The following PARD3B variants were observed in gnomAD, a reference collection of about 807,000 sequenced individuals.
PARD3B encodes the protein partitioning defective 3 homolog B.
A neutral mutation model predicts 130.2 loss-of-function variants in PARD3B; 103 were observed. The observed-to-expected ratio is 0.79, with a 90% confidence interval of 0.67 to 0.93. PARD3B has a LOEUF of 0.93. Ranked by LOEUF, PARD3B falls within the 40% of genes least tolerant of loss-of-function variation. The pLI is 0.00. For synonymous variants in PARD3B, 583 were observed against 553.2 expected, an observed-to-expected ratio of 1.05 and a Z score of -0.76; for missense variants, 1,609 against 1,499.2, an observed-to-expected ratio of 1.07 and a Z score of -1.21.
chr2:205,511,374 T>C (rs975755752), intron 21 of PARD3B, among the ~76,000 whole-genome samples: 1 of 152,196 alleles, frequency 6.6e-6, no homozygotes, highest in Admixed American at 6.5e-5. Context: ...TATACTTCCA[T>C]TAGAGTGAAA....
intron 2 of PARD3B, among the ~76,000 whole-genome samples, chr2:204,802,034 G>A (rs189087681): frequency 2.8e-4 from 42 of 152,272 alleles, no homozygotes; most frequent in East Asian, 2.7e-3. Flanking sequence ...TTGAACAAGC[G>A]TTGCATCCCA....
chr2:205,379,784 G>A (rs1390857105), intron 18 of PARD3B, among the ~76,000 whole-genome samples: 4 of 151,626 alleles, frequency 2.6e-5, no homozygotes, highest in Admixed American at 1.3e-4. Flanking sequence ...AAATATATGT[G>A]TGGGGCCAGG....
intron 2 of PARD3B, among the ~76,000 whole-genome samples, chr2:204,764,144 G>A (rs1054664954): frequency 6.6e-6 from 1 of 152,040 alleles, no homozygotes; most frequent in Non-Finnish European, 1.5e-5. Context: ...CCCCAAAGAG[G>A]GTTGCTGTTT....
In PARD3B at chr2:204,872,290, C is replaced by T. The variant is rs75391215; in HGVS notation, c.223-92862C>T. 0.01 allele frequency among the ~76,000 whole-genome samples: 1,546 copies of T among 151,744 alleles called. 38 individuals carry two copies. The East Asian group carries it at 0.11, about 11-fold the overall frequency. On this transcript the variant is annotated intron_variant, in intron 2 of 22. Coordinates refer to ENST00000406610, the MANE Select transcript of PARD3B (RefSeq NM_001302769.2). ...GATAGATAGTTATATATATAACATA[C>T]ATGTAATATATATGTATGCATATAA...
intron 15 of PARD3B, among the ~76,000 whole-genome samples, chr2:205,235,022 G>T (rs1399238745): frequency 6.6e-6 from 1 of 152,044 alleles, no homozygotes; most frequent in Non-Finnish European, 1.5e-5. Context: ...AAAAATGTGT[G>T]GGATAAGAAA....
rs370518123 is a variant in PARD3B, at chr2:205,164,597, T to A, written c.1620+5690T>A. Among the ~76,000 whole-genome samples the A allele has an allele frequency of 1.3e-3, 199 of 152,234 alleles. 1 individual carries two copies. Among genetic ancestry groups the A allele is most frequent in the African/African-American group, 4.7e-3 (194 of 41,546 alleles). ...AAATTTACATGTACACTATACTGAA[T>A]AAAATTTTGGAATGCTACAACATTT... On this transcript the variant is annotated intron_variant, in intron 11 of 22. Transcript: ENST00000406610.
intron 1 of PARD3B, among the ~76,000 whole-genome samples, chr2:204,658,949 T>G (rs1366282099): frequency 2.0e-5 from 3 of 152,216 alleles, no homozygotes; most frequent in Non-Finnish European, 2.9e-5. Context: ...TAAAATGCAT[T>G]ATCTCGGTTC....
rs1158824808 is a variant in PARD3B at position 205,470,132 on chromosome 2, T to G, written c.3044+29460T>G. ...ACACACAGGGTGGAACTAAGTGATC[T>G]CAGCATTTTTTTTCCAGTTCCAAAA... is the stretch of plus-strand genomic sequence containing the variant. On this transcript the variant is annotated intron_variant, in intron 20 of 22. Coordinates refer to ENST00000406610, the MANE Select transcript of PARD3B (RefSeq NM_001302769.2). The surrounding 1 kb of genome is among the most constrained non-coding windows in gnomAD (Gnocchi z 4.8). 6.6e-6 allele frequency among the ~76,000 whole-genome samples: 1 copy of G among 152,218 alleles called. No individual in the cohort carries two copies. The highest frequency in any genetic ancestry group is 1.9e-4 in the East Asian group (1 of 5,196).
rs548003399 is a variant in PARD3B, at chr2:205,037,508, C to CTA, written c.395-10064_395-10063dup. Among the ~76,000 whole-genome samples, 10 of 146,232 alleles carry CTA rather than the reference C, an allele frequency of 6.8e-5. No individual in the cohort carries two copies. The South Asian group carries it at 2.1e-3, about 31-fold the overall frequency. On this transcript the variant is annotated intron_variant, in intron 3 of 22. Transcript: ENST00000406610. ...CTATATATATAAAATATATAGTGGA[C>CTA]TATATATATAAAATATGTATATAGT... is the stretch of plus-strand genomic sequence containing the variant.
intron 18 of PARD3B, among the ~76,000 whole-genome samples, chr2:205,343,414 T>C (rs2080417): frequency 0.91 from 137,677 of 152,116 alleles, 62,478 homozygotes; most frequent in Admixed American, 0.94. Context: ...ATGGTCCTGA[T>C]GTGATTGATT....
intron 18 of PARD3B, among the ~76,000 whole-genome samples, chr2:205,322,127 A>G (rs2042773177): frequency 6.6e-6 from 1 of 152,228 alleles, no homozygotes; most frequent in Non-Finnish European, 1.5e-5. Context: ...GTCTTTGATC[A>G]CCTTAGGACT....
In PARD3B at chr2:205,592,453, T is replaced by C. The variant is rs551879292; in HGVS notation, c.3261-23003T>C. Among the ~76,000 whole-genome samples, 3 of 152,174 alleles carry C rather than the reference T, an allele frequency of 2.0e-5. No homozygotes were observed. The highest frequency in any genetic ancestry group is 4.8e-5 in the African/African-American group (2 of 41,442). ...CGAACATCCACTAATAAACTTTATA[T>C]TGGGTGCCTACCATGAGCCAGGCAC... On this transcript the variant is annotated intron_variant, in intron 22 of 22. Transcript: ENST00000406610. This position sits in a 1 kb window ranked among gnomAD's most constrained non-coding sequence, Gnocchi z 4.5.
intron 5 of PARD3B, among the ~76,000 whole-genome samples, chr2:205,106,481 ATG>A (rs202186761): frequency 0.011 from 1,601 of 146,966 alleles, 20 homozygotes; most frequent in Middle Eastern, 0.021. Flanking sequence ...TAAGAAATGT[ATG>A]TGTGTGTGTG....
intron 2 of PARD3B, among the ~76,000 whole-genome samples, chr2:204,861,871 G>A (rs996773318): frequency 6.6e-5 from 9 of 137,210 alleles, no homozygotes; most frequent in African/African-American, 2.1e-4. Context: ...GCTTCAGTGG[G>A]GAAAAACTCA....
chr2:205,602,502 G>C (rs2054827490), intron 22 of PARD3B, among the ~76,000 whole-genome samples: 1 of 152,130 alleles, frequency 6.6e-6, no homozygotes, highest in Non-Finnish European at 1.5e-5. Flanking sequence ...AATCCATTTG[G>C]TCCTGGGCCT....
intron 18 of PARD3B, among the ~76,000 whole-genome samples, chr2:205,344,414 A>G (rs1559683806): frequency 6.6e-6 from 1 of 152,170 alleles, no homozygotes; most frequent in African/African-American, 2.4e-5. Flanking sequence ...ATGATAGATC[A>G]GTGAAATGAC....
intron 3 of PARD3B, among the ~76,000 whole-genome samples, chr2:205,022,630 G>A (rs1157727547): frequency 1.3e-5 from 2 of 152,088 alleles, no homozygotes; most frequent in Non-Finnish European, 2.9e-5. Context: ...GAGAAAATCC[G>A]GATTCCAGAC....
At chr2:205,587,661 T>A (rs1291113629) in intron 22 of PARD3B, among the ~76,000 whole-genome samples, 2 of 152,188 alleles carry the variant, frequency 1.3e-5, no homozygotes, top group Non-Finnish European at 2.9e-5. Context: ...ATTGGGCTAT[T>A]TTAGTTGGGT....
At position 204,720,004 on chromosome 2, in the gene PARD3B, T is replaced by A. The variant is rs998680197; in HGVS notation, c.222+33722T>A. 7.2e-5 allele frequency among the ~76,000 whole-genome samples: 11 copies of A among 152,210 alleles called. 1 individual carries two copies. Among genetic ancestry groups the A allele is most frequent in the Admixed American group, 4.6e-4 (7 of 15,272 alleles). On this transcript the variant is annotated intron_variant, in intron 2 of 22. Transcript: ENST00000406610. ...TTTTGCCTCTTGAAATTACTCCTTTTTTTGAGGTTTCTTTGTATGTGTCTG... is the reference window on the plus strand; with the variant it reads ...TTTTGCCTCTTGAAATTACTCCTTTATTTGAGGTTTCTTTGTATGTGTCTG...
Sources: allele counts gnomAD v4.1 joint callset (sites outside exome capture counted in the v4.1 genomes callset), GRCh38; gene constraint gnomAD v4.1.1; non-coding constraint Gnocchi (gnomAD v3.1); transcripts MANE v1.5; gene names NCBI Gene and HGNC (gene_info 2026-07-23, HGNC 2026-07-21).